SCN11A: variants seen among roughly 807,000 people sequenced by gnomAD.
The protein encoded by SCN11A is sodium voltage-gated channel alpha subunit 11.
A neutral mutation model predicts 162.2 loss-of-function variants in SCN11A; 122 were observed. That is an observed-to-expected ratio of 0.75 (90% CI 0.65 to 0.87). The LOEUF is 0.87. Ranked by LOEUF, SCN11A falls within the 40% of genes least tolerant of loss-of-function variation. SCN11A has a pLI of 0.00. For missense variants in SCN11A, 2,015 were observed against 2,181.6 expected, an observed-to-expected ratio of 0.92 and a Z score of 1.52; for synonymous variants, 758 against 751.5, an observed-to-expected ratio of 1.01 and a Z score of -0.14.
intron 28 of SCN11A, among the ~76,000 whole-genome samples, chr3:38,861,789 G>C (rs961079841): frequency 1.3e-5 from 2 of 152,040 alleles, no homozygotes; most frequent in Non-Finnish European, 2.9e-5. Flanking sequence ...ACAAATTATA[G>C]AATATAACAT....
intron 1 of SCN11A, among the ~76,000 whole-genome samples, chr3:39,037,455 T>C (rs892672522): frequency 5.3e-5 from 8 of 152,172 alleles, no homozygotes; most frequent in African/African-American, 1.9e-4. Flanking sequence ...ATTTGTTGTA[T>C]GTTTTAGAAT....
intron 2 of SCN11A, among the ~76,000 whole-genome samples, chr3:38,992,455 T>C (rs1357839278): frequency 6.6e-6 from 1 of 152,240 alleles, no homozygotes; most frequent in Non-Finnish European, 1.5e-5. Context: ...TGATTTCTGT[T>C]ATCTGTCTTT....
intron 23 of SCN11A, among the ~76,000 whole-genome samples, chr3:38,878,318 T>C (rs376792084): frequency 6.6e-6 from 1 of 152,008 alleles, no homozygotes; most frequent in Non-Finnish European, 1.5e-5. Flanking sequence ...ATGTATTCAG[T>C]GAATTTGGGC....
rs752206605 is a variant in SCN11A at position 38,872,261 on chromosome 3, A to G, written c.3427T>C (p.Leu1143=). 1.2e-6 allele frequency: 2 copies of G among 1,608,490 alleles called. No homozygotes were observed. Among genetic ancestry groups the G allele is most frequent in the Non-Finnish European group, 1.7e-6 (2 of 1,175,050 alleles). ...GCTCGTAGAGTCCGGAAGGACTTCA[A>G]TTCCATTAAGTTAATGAGGGTGGTC... ...SVTTLINLME[L]KSFRTLRALR... The change falls in exon 24 of 30, where the codon TTG becomes CTG. Residue 1143 remains leucine (L), a synonymous_variant. Coordinates refer to ENST00000302328, the MANE Select transcript of SCN11A (RefSeq NM_001349253.2).
At chr3:38,958,389 G>A (rs910716845) in intron 3 of SCN11A, among the ~76,000 whole-genome samples, 13 of 152,218 alleles carry the variant, frequency 8.5e-5, no homozygotes, top group African/African-American at 2.4e-4. Flanking sequence ...GATGTGGGGT[G>A]TAATGGCACC....
chr3:39,031,534 C>CAAAA (rs71622553), intron 2 of SCN11A, among the ~76,000 whole-genome samples: 16 of 121,922 alleles, frequency 1.3e-4, no homozygotes, highest in African/African-American at 3.6e-4. Flanking sequence ...AAACAAAAAA[C>CAAAA]AAACAAACAA....
chr3:38,900,479 C>A (rs2065681262), intron 16 of SCN11A, among the ~76,000 whole-genome samples: 2 of 151,972 alleles, frequency 1.3e-5, no homozygotes, highest in Admixed American at 6.6e-5. Flanking sequence ...TAAACAATAG[C>A]CCTGAAAACT....
intron 1 of SCN11A, among the ~76,000 whole-genome samples, chr3:39,041,739 A>C (rs970093158): frequency 3.3e-5 from 5 of 152,202 alleles, no homozygotes; most frequent in African/African-American, 9.6e-5. Context: ...GATAACCACC[A>C]TCATGAAAAC....
At chr3:38,953,466 AG>A (rs1183942770) in intron 4 of SCN11A, among the ~76,000 whole-genome samples, 162 bp downstream of exon 4, 1 of 152,198 alleles carries the variant, frequency 6.6e-6, no homozygotes, top group Non-Finnish European at 1.5e-5. Context: ...GGCTTGAGAT[AG>A]GAAGATAAAG....
In SCN11A at chr3:38,900,022, C is replaced by T. The variant is rs1293136665; in HGVS notation, c.1894G>A (p.Asp632Asn). ...AEMCLKIIAL[D>N]PYHYFRRGWN... ...CCTCGGCGAAAGTAGTGGTAGGGAT[C>T]GAGCGCAATGATTTTTAGGCACATT... The change falls in exon 17 of 30, where the codon GAT becomes AAT. Residue 632 changes from aspartate to asparagine, a missense_variant. Physicochemically the swap from Asp to Asn is conservative, Grantham distance 23 (BLOSUM62 1). Coordinates refer to ENST00000302328, the MANE Select transcript of SCN11A (RefSeq NM_001349253.2). 4.3e-6 allele frequency: 7 copies of T among 1,613,870 alleles called. No homozygotes were observed. The highest frequency in any genetic ancestry group is 2.2e-5 in the East Asian group (1 of 44,878).
chr3:39,003,566 T>G (rs897645530), intron 2 of SCN11A, among the ~76,000 whole-genome samples: 29 of 152,228 alleles, frequency 1.9e-4, no homozygotes, highest in African/African-American at 6.8e-4. Flanking sequence ...ATTGCTGGGT[T>G]GAATGGTAGT....
At chr3:38,909,965 G>A in intron 12 of SCN11A, 101 bp downstream of exon 12, 1 of 1,096,180 alleles carries the variant, frequency 9.1e-7, no homozygotes, top group Non-Finnish European at 1.3e-6. Context: ...GGGATGAATG[G>A]TAGTTATAAA....
At chr3:38,889,349 C>T (rs1053420862) in intron 19 of SCN11A, among the ~76,000 whole-genome samples, 2 of 151,846 alleles carry the variant, frequency 1.3e-5, no homozygotes, top group African/African-American at 2.4e-5. Flanking sequence ...CGCTTGAACT[C>T]GGCAAGCAGA....
chr3:39,000,956 G>A (rs149799161), intron 2 of SCN11A, among the ~76,000 whole-genome samples: 176 of 152,268 alleles, frequency 1.2e-3, no homozygotes, highest in African/African-American at 4.0e-3. Context: ...AGAATTGCTT[G>A]AACCTGGGAG....
At chr3:39,050,874 A>G (rs927392008) in intron 1 of SCN11A, among the ~76,000 whole-genome samples, 3 of 152,210 alleles carry the variant, frequency 2.0e-5, no homozygotes, top group African/African-American at 7.2e-5. Context: ...CTATATTTCA[A>G]GTGCTCAAGA....
chr3:38,856,462 T>C (rs2064871167), intron 28 of SCN11A, among the ~76,000 whole-genome samples: 1 of 151,934 alleles, frequency 6.6e-6, no homozygotes, highest in South Asian at 2.1e-4. Context: ...GGGATAGGAG[T>C]GAGGCTGTGA....
At chr3:38,917,018 A>G (rs2065970716) in intron 11 of SCN11A, among the ~76,000 whole-genome samples, 1 of 152,218 alleles carries the variant, frequency 6.6e-6, no homozygotes, top group South Asian at 2.1e-4. Flanking sequence ...CTAGACTGAG[A>G]GAGATGTGCT....
At chr3:38,915,968 T>G (rs2065955103) in intron 11 of SCN11A, among the ~76,000 whole-genome samples, 1 of 152,222 alleles carries the variant, frequency 6.6e-6, no homozygotes, top group Non-Finnish European at 1.5e-5. Flanking sequence ...GAACTTGCCT[T>G]TTGAATCTGG....
At chr3:38,987,978 G>T (rs556184949) in intron 2 of SCN11A, among the ~76,000 whole-genome samples, 2 of 152,298 alleles carry the variant, frequency 1.3e-5, no homozygotes, top group Non-Finnish European at 2.9e-5. Flanking sequence ...AGAATCAAGC[G>T]TGAGGGAAAC....
Sources: allele counts gnomAD v4.1 joint callset (sites outside exome capture counted in the v4.1 genomes callset), GRCh38; gene constraint gnomAD v4.1.1; transcripts MANE v1.5; gene names NCBI Gene and HGNC (gene_info 2026-07-23, HGNC 2026-07-21).